The following KDM1B variants were observed in gnomAD, a reference collection of about 807,000 sequenced individuals.
KDM1B encodes the protein lysine demethylase 1B, also known as lysine-specific histone demethylase 2.
KDM1B carries 63 observed loss-of-function variants against 107.4 expected under a neutral mutation model. The ratio of observed to expected loss-of-function variants is 0.59; its 90% confidence interval spans 0.48 to 0.72. The LOEUF (loss-of-function observed/expected upper bound fraction) is 0.72. Ranked by LOEUF, KDM1B falls within the 30% of genes least tolerant of loss-of-function variation. KDM1B has a pLI of 0.00. For missense variants in KDM1B, 749 were observed against 1,020.8 expected, an observed-to-expected ratio of 0.73 and a Z score of 3.63; for synonymous variants, 363 against 363.9, an observed-to-expected ratio of 1.00 and a Z score of 0.03.
intron 9 of KDM1B, among the ~76,000 whole-genome samples, 187 bp downstream of exon 9, chr6:18,188,189 G>A (rs944289123): frequency 2.6e-5 from 4 of 152,182 alleles, no homozygotes; most frequent in East Asian, 1.9e-4. Flanking sequence ...GTTTGAGACC[G>A]GTCTGGGCAA....
At chr6:18,178,144 A>G (rs1786157514) in intron 7 of KDM1B, among the ~76,000 whole-genome samples, 1 of 152,100 alleles carries the variant, frequency 6.6e-6, no homozygotes, top group African/African-American at 2.4e-5. Flanking sequence ...GTGCAGTGGC[A>G]CCATATTGGC....
At chr6:18,158,796 G>A (rs1430777832) in intron 2 of KDM1B, among the ~76,000 whole-genome samples, 1 of 152,038 alleles carries the variant, frequency 6.6e-6, no homozygotes, top group Non-Finnish European at 1.5e-5. Flanking sequence ...TTCTCTTGTA[G>A]ACTTTGGTTC....
Position 18,213,641 on chromosome 6 carries a change from C to T in KDM1B, c.1984-15C>T. On this transcript the variant is annotated splice_polypyrimidine_tract_variant and intron_variant, in intron 18 of 21. Coordinates refer to ENST00000650836, the MANE Select transcript of KDM1B (RefSeq NM_001364614.2). The surrounding 1 kb of genome is among the most constrained non-coding windows in gnomAD (Gnocchi z 5.9). ...CGACAGACACCTAACCACCTTTCTT[C>T]TGCTCACTTTGCAGATTGCCTTGCA... 6 of 1,613,980 alleles carry T rather than the reference C, an allele frequency of 3.7e-6. No homozygotes were observed. The highest frequency in any genetic ancestry group is 5.1e-6 in the Non-Finnish European group (6 of 1,179,914).
At chr6:18,167,884 G>T (rs1046127309) in intron 6 of KDM1B, among the ~76,000 whole-genome samples, 1 of 151,818 alleles carries the variant, frequency 6.6e-6, no homozygotes, top group Non-Finnish European at 1.5e-5. Context: ...CACCTCAGCC[G>T]GCAGAGCAGC....
In KDM1B at chr6:18,212,229, G is replaced by A. The variant is rs1215719922; in HGVS notation, c.1867-259G>A. On this transcript the variant is annotated intron_variant, in intron 17 of 21. Coordinates refer to ENST00000650836, the MANE Select transcript of KDM1B (RefSeq NM_001364614.2). The surrounding 1 kb of genome is among the most constrained non-coding windows in gnomAD (Gnocchi z 5.2). ...CAAAGTGCTGGGATTACAGGCATGA[G>A]CCACCGCACCTGGCCTCTGCTGACT... 4.8e-6 allele frequency: 2 copies of A among 416,038 alleles called. No individual in the cohort carries two copies. The highest frequency in any genetic ancestry group is 8.9e-6 in the Non-Finnish European group (2 of 225,012). 25.8% of individuals were successfully genotyped at this position (416,038 alleles called of 1,614,324 possible).
chr6:18,174,073 T>C (rs1330808016), intron 7 of KDM1B, among the ~76,000 whole-genome samples: 1 of 152,186 alleles, frequency 6.6e-6, no homozygotes. Flanking sequence ...CGTGAGCCAC[T>C]GCGCCCGGCC....
rs556197998 is a variant in KDM1B, at chr6:18,155,770, T to G, written c.-57-113T>G. ...ATTAAAAGAGGGTGCGGGGTGGGTA[T>G]CTGTCTGAAGAAGGGGGAATTCCCG... On this transcript the variant is annotated intron_variant, in intron 1 of 21. Transcript: ENST00000650836. This position sits in a 1 kb window ranked among gnomAD's most constrained non-coding sequence, Gnocchi z 6.2. 6.6e-6 allele frequency: 1 copy of G among 152,304 alleles called. No individual in the cohort carries two copies. The highest frequency in any genetic ancestry group is 2.1e-4 in the South Asian group (1 of 4,822). The allele number at this position is 152,304 out of a possible 1,614,324, so 9.4% of individuals were successfully genotyped here.
chr6:18,184,715 G>A (rs2150901575), intron 7 of KDM1B, among the ~76,000 whole-genome samples: 1 of 107,160 alleles, frequency 9.3e-6, no homozygotes, highest in Admixed American at 9.5e-5. Context: ...GATGACCTTT[G>A]GGTTGTTTCT....
In KDM1B at chr6:18,213,676, T is replaced by G; in HGVS notation, c.2004T>G (p.Tyr668Ter). ...TGCAGATTGCCTTGCAATTTCCGTA[T>G]AGATTTTGGGACAGTAAAGTACAAG... ...IIEKIALQFP[Y>*]RFWDSKVQGA... is the part of the protein sequence containing the mutation. Residue 668 changes from tyrosine to a stop codon, truncating the protein, a stop_gained, in exon 19 of 22, where the codon TAT becomes TAG. Transcript: ENST00000650836. LOFTEE classifies it high-confidence loss of function. The surrounding 1 kb of genome is among the most constrained non-coding windows in gnomAD (Gnocchi z 5.9). The G allele has an allele frequency of 6.2e-7, 1 of 1,614,148 alleles. No homozygotes were observed. Among genetic ancestry groups the G allele is most frequent in the Non-Finnish European group, 8.5e-7 (1 of 1,180,016 alleles).
intron 5 of KDM1B, among the ~76,000 whole-genome samples, chr6:18,165,992 G>GCAA (rs1283804875): frequency 2.0e-5 from 3 of 152,106 alleles, no homozygotes; most frequent in African/African-American, 7.2e-5. Context: ...GAGCAACATA[G>GCAA]CAACACCCTG....
rs1159234097 is a variant in KDM1B at position 18,159,983 on chromosome 6, G to A, written c.87+1G>A. 2 of 1,590,388 alleles carry A rather than the reference G, an allele frequency of 1.3e-6. No homozygotes were observed. Among genetic ancestry groups the A allele is most frequent in the East Asian group, 2.2e-5 (1 of 44,530 alleles). On this transcript the variant is annotated splice_donor_variant, in intron 3 of 21. Coordinates refer to ENST00000650836, the MANE Select transcript of KDM1B (RefSeq NM_001364614.2). LOFTEE classifies it high-confidence loss of function. The surrounding 1 kb of genome is among the most constrained non-coding windows in gnomAD (Gnocchi z 4.5). ...TCCTTTGAGGAGCTCCGGTAGGCAG[G>A]TAGTGTTCATTTATTCATTCAACAA...
intron 2 of KDM1B, among the ~76,000 whole-genome samples, chr6:18,157,409 A>G (rs1281633336): frequency 6.6e-6 from 1 of 152,000 alleles, no homozygotes; most frequent in African/African-American, 2.4e-5. Flanking sequence ...TTAAGTACCT[A>G]TTTTCTAGTA....
At position 18,162,886 on chromosome 6, in the gene KDM1B, A is replaced by G. The variant is rs753608249; in HGVS notation, c.267A>G (p.Glu89=). 1.7e-5 allele frequency: 27 copies of G among 1,612,614 alleles called. No individual in the cohort carries two copies. The South Asian group carries it at 3.0e-4, about 18-fold the overall frequency. Residue 89 remains glutamate (E), a synonymous_variant, in exon 5 of 22, where the codon GAA becomes GAG. Coordinates refer to ENST00000650836, the MANE Select transcript of KDM1B (RefSeq NM_001364614.2). This position sits in a 1 kb window ranked among gnomAD's most constrained non-coding sequence, Gnocchi z 4.1. ...TSRWYHLSCG[E]HFCNECFDHY... is the part of the protein sequence containing the mutation. ...GATGGTATCATCTCTCCTGTGGGGA[A>G]CATTTCTGTAATGAATGCTTTGACC...
At chr6:18,180,861 C>T (rs906492225) in intron 7 of KDM1B, among the ~76,000 whole-genome samples, 3 of 152,268 alleles carry the variant, frequency 2.0e-5, no homozygotes, top group East Asian at 1.9e-4. Flanking sequence ...CCACTGCTCC[C>T]GGCCACTCTA....
Position 18,191,255 on chromosome 6 carries a change from C to G in KDM1B, c.843C>G (p.Ala281=). The G allele has an allele frequency of 6.4e-7, 1 of 1,550,554 alleles. No homozygotes were observed. The highest frequency in any genetic ancestry group is 8.7e-7 in the Non-Finnish European group (1 of 1,146,988). ...ACCAGCCCAATGAGTGTGGCAAAGC[C>G]CTCTGTGTGAGGCCGGATGTGATGG... The part of the protein sequence containing the change: ...PFYQPNECGK[A]LCVRPDVMEL... Residue 281 remains alanine, a synonymous_variant, in exon 10 of 22, where the codon GCC becomes GCG. Coordinates refer to ENST00000650836, the MANE Select transcript of KDM1B (RefSeq NM_001364614.2). The surrounding 1 kb of genome is among the most constrained non-coding windows in gnomAD (Gnocchi z 5.1).
rs1582239130 is a variant in KDM1B at position 18,223,012 on chromosome 6, G to A, written c.*1020G>A. On this transcript the variant is annotated 3_prime_UTR_variant, in exon 22 of 22. Coordinates refer to ENST00000650836, the MANE Select transcript of KDM1B (RefSeq NM_001364614.2). ...TTTTAAAGGCCTAAGAACATGGCAA[G>A]TATTTACTTTTATCTTTTTTTTAAA... 6.6e-6 allele frequency: 1 copy of A among 152,628 alleles called. No individual in the cohort carries two copies. The highest frequency in any genetic ancestry group is 1.9e-4 in the East Asian group (1 of 5,190). 9.5% of individuals were successfully genotyped at this position (152,628 alleles called of 1,614,324 possible).
At chr6:18,188,220 A>G (rs1250576696) in intron 9 of KDM1B, among the ~76,000 whole-genome samples, 1 of 152,178 alleles carries the variant, frequency 6.6e-6, no homozygotes, top group African/African-American at 2.4e-5. Flanking sequence ...TCTCGTCTCT[A>G]AAAATAAATA....
At chr6:18,156,099 C>T (rs1246284998) in intron 2 of KDM1B, among the ~76,000 whole-genome samples, 173 bp downstream of exon 2, 1 of 152,166 alleles carries the variant, frequency 6.6e-6, no homozygotes, top group Non-Finnish European at 1.5e-5. Context: ...TTCTTCCCGG[C>T]CGATAGGGTG....
chr6:18,184,155 C>T (rs1441357942), intron 7 of KDM1B, among the ~76,000 whole-genome samples: 2 of 152,048 alleles, frequency 1.3e-5, no homozygotes, highest in Admixed American at 6.6e-5. Context: ...ACCCTTGCTC[C>T]CCTAGAGTAA....
Sources: allele counts gnomAD v4.1 joint callset (sites outside exome capture counted in the v4.1 genomes callset), GRCh38; gene constraint gnomAD v4.1.1; non-coding constraint Gnocchi (gnomAD v3.1); transcripts MANE v1.5; gene names NCBI Gene and HGNC (gene_info 2026-07-23, HGNC 2026-07-21).